The following PTK2B variants were observed in gnomAD, a reference collection of about 807,000 sequenced individuals.
PTK2B encodes protein tyrosine kinase 2 beta.
Under a neutral mutation model 142.9 loss-of-function variants are expected in PTK2B, and 71 were observed. The ratio of observed to expected loss-of-function variants is 0.50; its 90% CI spans 0.41 to 0.61. The LOEUF (loss-of-function observed/expected upper bound fraction) is 0.61. Among genes scored for constraint, PTK2B ranks in the 20% least tolerant of loss-of-function variants. PTK2B has a pLI of 0.00. For synonymous variants in PTK2B, 519 were observed against 503.4 expected (o/e 1.03, Z -0.42); for missense variants, 1,105 against 1,320.4 (o/e 0.84, Z 2.53).
chr8:27,329,921 C>T (rs145757811), intron 1 of PTK2B, among the ~76,000 whole-genome samples: 20 of 152,128 alleles, frequency 1.3e-4, no homozygotes, highest in African/African-American at 4.6e-4. Context: ...AGATAGTGTA[C>T]ATTAGAGAGA....
At chr8:27,361,685 C>A (rs1805715225) in intron 1 of PTK2B, among the ~76,000 whole-genome samples, 1 of 152,084 alleles carries the variant, frequency 6.6e-6, no homozygotes, top group Non-Finnish European at 1.5e-5. Context: ...AGCTGGAGGG[C>A]CCTTCTCTTT....
chr8:27,435,733 G>C lies in PTK2B; in HGVS notation c.1193-10G>C, dbSNP rs758357986. 13 of 1,613,982 alleles carry C rather than the reference G, an allele frequency of 8.1e-6. No homozygotes were observed. Among genetic ancestry groups the C allele is most frequent in the Non-Finnish European group, 8.5e-6 (10 of 1,180,012 alleles). On this transcript the variant is annotated splice_polypyrimidine_tract_variant and intron_variant, in intron 13 of 30. Coordinates refer to ENST00000346049, the MANE Select transcript of PTK2B (RefSeq NM_173176.3). ...CTTGTCCACGGCTGAGCCTCTTCCT[G>C]TTGTTCCAGAGTCAGACATCTACGC...
At chr8:27,452,525 C>T (rs1811877759) in intron 27 of PTK2B, 1 of 150,432 alleles carries the variant, frequency 6.6e-6, no homozygotes. Context: ...TGTGATCACG[C>T]CACTGTGCTC....
In PTK2B at chr8:27,458,792, C is replaced by T; in HGVS notation, c.*283C>T. On this transcript the variant is annotated 3_prime_UTR_variant, in exon 31 of 31. Coordinates refer to ENST00000346049, the MANE Select transcript of PTK2B (RefSeq NM_173176.3). The stretch of plus-strand genomic sequence containing the variant: ...CCACTGCTCCCTAAGCCAGCCTGGT[C>T]CATGCAGGGGGCTCCTGGGGGTGGG... 1 of 521,900 alleles carries T rather than the reference C, an allele frequency of 1.9e-6. No homozygotes were observed. Among genetic ancestry groups the T allele is most frequent in the Non-Finnish European group, 3.5e-6 (1 of 286,894 alleles). The allele number at this position is 521,900 out of a possible 1,614,324, so 32.3% of individuals were successfully genotyped here.
intron 1 of PTK2B, among the ~76,000 whole-genome samples, chr8:27,384,211 G>A (rs1410728522): frequency 6.6e-6 from 1 of 151,502 alleles, no homozygotes; most frequent in Non-Finnish European, 1.5e-5. Flanking sequence ...GTGCAGGCTG[G>A]TCTCAAACTC....
At chr8:27,414,733 C>G (rs1809292586) in intron 2 of PTK2B, among the ~76,000 whole-genome samples, 2 of 152,130 alleles carry the variant, frequency 1.3e-5, no homozygotes, top group Non-Finnish European at 2.9e-5. Flanking sequence ...TCTAGGCTCC[C>G]CATCTCCATA....
intron 5 of PTK2B, among the ~76,000 whole-genome samples, chr8:27,424,041 CT>C (rs1364870560): frequency 6.6e-6 from 1 of 152,148 alleles, no homozygotes; most frequent in Non-Finnish European, 1.5e-5. Flanking sequence ...CCTTTCATCC[CT>C]TCTCAGACTG....
chr8:27,454,358 C>A lies in PTK2B; in HGVS notation c.2733+67C>A, dbSNP rs868734207. The A allele has an allele frequency of 1.1e-4, 168 of 1,578,148 alleles. No individual in the cohort carries two copies. In the Middle Eastern group the frequency reaches 1.1e-3, roughly 11 times the overall value. The stretch of plus-strand genomic sequence containing the variant: ...TCCGCCCTGGAAGGAAAGGGGACTG[C>A]GCTTCCTGTTGGCTGGCCCAGCAGA... On this transcript the variant is annotated intron_variant, in intron 29 of 30. Coordinates refer to ENST00000346049, the MANE Select transcript of PTK2B (RefSeq NM_173176.3).
intron 1 of PTK2B, among the ~76,000 whole-genome samples, chr8:27,382,653 G>C (rs1415554062): frequency 6.6e-6 from 1 of 152,076 alleles, no homozygotes; most frequent in African/African-American, 2.4e-5. Context: ...TGTCCCGAAG[G>C]ATTTACCCTG....
At chr8:27,389,109 G>A (rs1005486154) in intron 1 of PTK2B, among the ~76,000 whole-genome samples, 16 of 152,300 alleles carry the variant, frequency 1.1e-4, no homozygotes, top group Non-Finnish European at 2.4e-4. Context: ...GTAGCAGGCT[G>A]TGGCTGTTTT....
chr8:27,335,230 C>G (rs1803987809), intron 1 of PTK2B, among the ~76,000 whole-genome samples: 1 of 152,188 alleles, frequency 6.6e-6, no homozygotes, highest in South Asian at 2.1e-4. Flanking sequence ...ACAATCACCT[C>G]GTTTATCTGC....
chr8:27,434,279 A>G (rs969265553), intron 12 of PTK2B, 147 bp downstream of exon 12: 14 of 1,157,412 alleles, frequency 1.2e-5, no homozygotes, highest in Middle Eastern at 2.7e-4. Context: ...TTCCCTCCCA[A>G]TAAATACCTG....
At chr8:27,331,933 T>G (rs924134383) in intron 1 of PTK2B, among the ~76,000 whole-genome samples, 1 of 152,128 alleles carries the variant, frequency 6.6e-6, no homozygotes, top group African/African-American at 2.4e-5. Flanking sequence ...ATGTACCCAG[T>G]CCCCGCCCCC....
At chr8:27,405,035 CCTCTCTCTCTCTCT>C (rs3076734) in intron 2 of PTK2B, among the ~76,000 whole-genome samples, 24 of 119,638 alleles carry the variant, frequency 2.0e-4, no homozygotes, top group African/African-American at 7.6e-4. Context: ...TCTTTCTCTT[CCTCTCTCTCTCTCT>C]CTCTCTCTCT....
rs540395689 is a variant in PTK2B, at chr8:27,365,126, A to G, written c.-37-32422A>G. 7.2e-5 allele frequency among the ~76,000 whole-genome samples: 11 copies of G among 152,288 alleles called. No homozygotes were observed. In the South Asian group the frequency reaches 1.7e-3, roughly 23 times the overall value. On this transcript the variant is annotated intron_variant, in intron 1 of 30. Coordinates refer to ENST00000346049, the MANE Select transcript of PTK2B (RefSeq NM_173176.3). ...GTCCAACTCATATCCTGCCTTTCCC[A>G]TGAGATGAAATTAACTTTCTTCACC... is the stretch of plus-strand genomic sequence containing the variant.
At chr8:27,341,498 A>G (rs1181048959) in intron 1 of PTK2B, among the ~76,000 whole-genome samples, 1 of 152,176 alleles carries the variant, frequency 6.6e-6, no homozygotes, top group African/African-American at 2.4e-5. Flanking sequence ...TCCACTCCCA[A>G]AAGAGCTGAG....
chr8:27,338,453 G>A (rs1449958089), intron 1 of PTK2B, among the ~76,000 whole-genome samples: 2 of 152,126 alleles, frequency 1.3e-5, no homozygotes, highest in Non-Finnish European at 2.9e-5. Flanking sequence ...TACTGCTCCA[G>A]TGGTGTGAGT....
At chr8:27,331,411 A>C (rs1370623526) in intron 1 of PTK2B, among the ~76,000 whole-genome samples, 2 of 151,900 alleles carry the variant, frequency 1.3e-5, no homozygotes, top group Non-Finnish European at 2.9e-5. Context: ...CCTGGGACGG[A>C]ATGGCCCCTG....
rs745811881 is a variant in PTK2B, at chr8:27,452,952, G to A, written c.2549-162G>A. 130 of 770,108 alleles carry A rather than the reference G, an allele frequency of 1.7e-4. 1 individual carries two copies. Among genetic ancestry groups the A allele is most frequent in the Middle Eastern group, 7.6e-4 (2 of 2,646 alleles). 47.7% of individuals were successfully genotyped at this position (770,108 alleles called of 1,614,324 possible). ...TCCCTGACTACTGCAAAACCAGGGA[G>A]ACCAGGAGGTTCCTTCCCCTGCCCG... On this transcript the variant is annotated intron_variant, in intron 27 of 30. Transcript: ENST00000346049.
Sources: gnomAD v4.1 joint callset for allele counts (sites outside exome capture counted in the v4.1 genomes callset) on GRCh38, gnomAD v4.1.1 for gene constraint, MANE v1.5 for transcripts, NCBI Gene and HGNC (gene_info 2026-07-23, HGNC 2026-07-21) for gene names.